The following OCLN variants were observed in gnomAD, a reference collection of about 807,000 sequenced individuals.
OCLN encodes the protein occludin.
Under a neutral mutation model 47.9 loss-of-function variants are expected in OCLN, and 21 were observed. The observed-to-expected ratio is 0.44, with a 90% CI of 0.31 to 0.63. OCLN has a LOEUF of 0.63. Ranked by LOEUF, OCLN falls within the 30% of genes least tolerant of loss-of-function variation. The pLI is 0.08. For synonymous variants in OCLN, 117 were observed against 198.4 expected (o/e 0.59, Z 3.45); for missense variants, 360 against 571.0 (o/e 0.63, Z 3.77).
chr5:69,514,839 G>A (rs941531079), intron 4 of OCLN, among the ~76,000 whole-genome samples: 1 of 152,150 alleles, frequency 6.6e-6, no homozygotes, highest in East Asian at 1.9e-4. Context: ...ACAGGGTTGG[G>A]GGTAGGGTCA....
At chr5:69,504,611 G>A (rs1768545103) in intron 2 of OCLN, among the ~76,000 whole-genome samples, 1 of 152,138 alleles carries the variant, frequency 6.6e-6, no homozygotes, top group Non-Finnish European at 1.5e-5. Context: ...TCATTTAGGT[G>A]GCCATTGGGA....
rs576534490 is a variant in OCLN, at chr5:69,493,631, G to T, written c.-69+731G>T. On this transcript the variant is annotated intron_variant, in intron 1 of 8. Transcript: ENST00000396442. This position sits in a 1 kb window ranked among gnomAD's most constrained non-coding sequence, Gnocchi z 5.3. ...CCGTGACCAAAAGGGCTGCCCCCAG[G>T]GGGGCGGAACTGCCTCCGGGCGGTG... 4.6e-5 allele frequency among the ~76,000 whole-genome samples: 7 copies of T among 152,176 alleles called. No individual in the cohort carries two copies. The highest frequency in any genetic ancestry group is 7.4e-5 in the Non-Finnish European group (5 of 68,020).
chr5:69,519,556 AC>A (rs1363959331), intron 4 of OCLN, among the ~76,000 whole-genome samples: 6 of 151,932 alleles, frequency 3.9e-5, no homozygotes, highest in Non-Finnish European at 7.4e-5. Flanking sequence ...TTTTATAGTC[AC>A]TCAGATGGAT....
In OCLN at chr5:69,511,762, C is replaced by T. The variant is rs187922723; in HGVS notation, c.729+1943C>T. ...GTTTTGGGCCGGGCATGGTAGCTCA[C>T]GCCTGTAATCCCAGCACTTTGGAAG... On this transcript the variant is annotated intron_variant, in intron 3 of 8. Coordinates refer to ENST00000396442, the MANE Select transcript of OCLN (RefSeq NM_001205254.2). 1.4e-4 allele frequency among the ~76,000 whole-genome samples: 22 copies of T among 152,136 alleles called. No individual in the cohort carries two copies. The South Asian group carries it at 2.5e-3, about 17-fold the overall frequency.
chr5:69,533,810 G>A (rs1421633016), intron 4 of OCLN, among the ~76,000 whole-genome samples: 1 of 152,034 alleles, frequency 6.6e-6, no homozygotes, highest in Non-Finnish European at 1.5e-5. Context: ...ATGCCACCAC[G>A]CCCAGCTAAT....
At chr5:69,550,515 C>T (rs1769838652) in intron 7 of OCLN, among the ~76,000 whole-genome samples, 1 of 150,444 alleles carries the variant, frequency 6.6e-6, no homozygotes, top group Non-Finnish European at 1.5e-5. Context: ...AAAACTAATT[C>T]CAGAATGTGA....
intron 4 of OCLN, among the ~76,000 whole-genome samples, chr5:69,523,690 C>T (rs944168497): frequency 7.2e-5 from 11 of 152,076 alleles, no homozygotes; most frequent in Non-Finnish European, 1.5e-4. Flanking sequence ...CATGTGTCAC[C>T]ACACCCAGCT....
intron 4 of OCLN, among the ~76,000 whole-genome samples, chr5:69,515,055 GGGT>G (rs1768892004): frequency 3.9e-5 from 6 of 152,198 alleles, no homozygotes; most frequent in Admixed American, 3.9e-4. Flanking sequence ...CTCCCAGACG[GGGT>G]GGTGGCTGGG....
intron 6 of OCLN, among the ~76,000 whole-genome samples, chr5:69,546,970 A>G (rs529521280): frequency 6.8e-6 from 1 of 147,040 alleles, no homozygotes; most frequent in East Asian, 2.0e-4. Context: ...TCGTCTTCCT[A>G]TGTAAGGAGT....
chr5:69,520,743 T>C (rs1346575389), intron 4 of OCLN, among the ~76,000 whole-genome samples: 1 of 152,094 alleles, frequency 6.6e-6, no homozygotes, highest in African/African-American at 2.4e-5. Context: ...AGTGCAGTGG[T>C]ACAGTCATAG....
chr5:69,513,130 G>A (rs1355116908), intron 3 of OCLN, among the ~76,000 whole-genome samples: 3 of 152,114 alleles, frequency 2.0e-5, no homozygotes, highest in Non-Finnish European at 4.4e-5. Context: ...CTTACTCTTT[G>A]AAAAATGATG....
Position 69,509,411 on chromosome 5 carries a change from AGGAAGTGGCTTTGGTAGCTAC to A in OCLN, c.332_352del (p.Phe111_Gly117del), listed in dbSNP as rs768576228. On this transcript the variant is annotated inframe_deletion, in exon 3 of 9. Transcript: ENST00000396442. ...GAGGTAGTGTAGGCTACCCTTATGGAGGAAGTGGCTTTGGTAGCTACGGAAGTGGCTATGGCTATGGCTATG... is the reference window on the plus strand; with the variant it reads ...GAGGTAGTGTAGGCTACCCTTATGGAGGAAGTGGCTATGGCTATGGCTATG... 6.2e-7 allele frequency: 1 copy of A among 1,614,128 alleles called. No homozygotes were observed. The highest frequency in any genetic ancestry group is 8.5e-7 in the Non-Finnish European group (1 of 1,180,022).
chr5:69,517,597 C>A (rs1450008617), intron 4 of OCLN, among the ~76,000 whole-genome samples: 2 of 151,958 alleles, frequency 1.3e-5, no homozygotes, highest in Non-Finnish European at 2.9e-5. Context: ...ATAGGCAAGA[C>A]AATATCTTGA....
intron 7 of OCLN, among the ~76,000 whole-genome samples, chr5:69,549,744 ATCAG>A (rs1342149801): frequency 2.6e-5 from 4 of 151,580 alleles, no homozygotes; most frequent in African/African-American, 4.8e-5. Flanking sequence ...TCCTTTATTG[ATCAG>A]TCAATCACTT....
chr5:69,517,052 C>A (rs889479800), intron 4 of OCLN, among the ~76,000 whole-genome samples: 3 of 152,016 alleles, frequency 2.0e-5, no homozygotes, highest in African/African-American at 7.2e-5. Flanking sequence ...CAGAGTGAGA[C>A]CCTGTCTCGG....
chr5:69,507,324 G>A (rs763254067), intron 2 of OCLN, among the ~76,000 whole-genome samples: 6 of 152,148 alleles, frequency 3.9e-5, no homozygotes, highest in Middle Eastern at 3.4e-3. Context: ...TAGTAGAGAC[G>A]GGGTTTCGCC....
chr5:69,504,105 G>C (rs902004142), intron 1 of OCLN, 72 bp from the exon 2 acceptor site: 4 of 703,024 alleles, frequency 5.7e-6, no homozygotes, highest in Non-Finnish European at 1.1e-5. Flanking sequence ...GTCTCGGGGT[G>C]GGGGTGGGAT....
At chr5:69,512,607 G>A (rs1250156711) in intron 3 of OCLN, among the ~76,000 whole-genome samples, 2 of 152,136 alleles carry the variant, frequency 1.3e-5, no homozygotes, top group East Asian at 1.9e-4. Context: ...ATTTTGAAGG[G>A]TTATATTGAA....
chr5:69,549,990 T>A (rs1363946202), intron 7 of OCLN, among the ~76,000 whole-genome samples: 3 of 150,262 alleles, frequency 2.0e-5, no homozygotes, highest in Non-Finnish European at 4.4e-5. Context: ...TTTTTTTTTT[T>A]ATATCAATAA....
Sources: allele counts gnomAD v4.1 joint callset (sites outside exome capture counted in the v4.1 genomes callset), GRCh38; gene constraint gnomAD v4.1.1; non-coding constraint Gnocchi (gnomAD v3.1); transcripts MANE v1.5; gene names NCBI Gene and HGNC (gene_info 2026-07-23, HGNC 2026-07-21).